PGBD2: variants seen among roughly 807,000 people sequenced by gnomAD.
The protein encoded by PGBD2 is piggyBac transposable element derived 2, also known as piggyBac transposable element-derived protein 2.
PGBD2 carries 6 observed loss-of-function variants against 8.1 expected under a neutral mutation model. The ratio of observed to expected loss-of-function variants is 0.74; its 90% CI spans 0.40 to 1.46. The LOEUF (loss-of-function observed/expected upper bound fraction) is 1.46. Among genes scored for constraint, PGBD2 ranks in the 40% most tolerant of loss-of-function variants. The pLI is 0.02. For synonymous variants in PGBD2, 318 were observed against 272.2 expected (o/e 1.17, Z -1.66); for missense variants, 802 against 739.0 (o/e 1.09, Z -0.99).
intron 1 of PGBD2, among the ~76,000 whole-genome samples, chr1:248,910,742 T>A (rs538928625): frequency 4.6e-4 from 70 of 152,162 alleles, no homozygotes; most frequent in Non-Finnish European, 8.7e-4. Flanking sequence ...TTGGATTTAC[T>A]GAAAGCCCAT....
At chr1:248,880,648 T>C in the PGBD2 span, among the ~76,000 whole-genome samples, 3 of 152,246 alleles carry the variant, frequency 2.0e-5, no homozygotes, top group Admixed American at 1.3e-4. Flanking sequence ...TTTCTAGATA[T>C]ATTGGTTCCA....
chr1:248,889,865 G>A, the PGBD2 span, among the ~76,000 whole-genome samples: 2 of 151,488 alleles, frequency 1.3e-5, no homozygotes, highest in Admixed American at 6.6e-5. Flanking sequence ...AAAACAAAGA[G>A]TCACAGAAGC....
At chr1:248,895,074 G>T in the PGBD2 span, among the ~76,000 whole-genome samples, 1 of 152,100 alleles carries the variant, frequency 6.6e-6, no homozygotes, top group African/African-American at 2.4e-5. Context: ...CAAAGTGTTG[G>T]AATTATAGGC....
chr1:248,911,791 G>A (rs558796529), intron 1 of PGBD2, among the ~76,000 whole-genome samples: 10 of 125,370 alleles, frequency 8.0e-5, no homozygotes, highest in East Asian at 7.3e-4. Flanking sequence ...CTGGCCGGGC[G>A]CTCCCCCAGC....
At chr1:248,899,146 A>G in the PGBD2 span, among the ~76,000 whole-genome samples, 19 of 152,200 alleles carry the variant, frequency 1.2e-4, no homozygotes, top group African/African-American at 4.6e-4. Context: ...CTCCCCTACA[A>G]TAACAGTGGG....
Position 248,917,256 on chromosome 1 carries a change from C to A in PGBD2, c.672C>A (p.Ile224=). The A allele has an allele frequency of 1.2e-6, 2 of 1,614,158 alleles. No homozygotes were observed. Among genetic ancestry groups the A allele is most frequent in the Non-Finnish European group, 1.7e-6 (2 of 1,180,026 alleles). The change falls in exon 3 of 3, where the codon ATC becomes ATA. Residue 224 remains isoleucine (I), a synonymous_variant. Coordinates refer to ENST00000329291, the MANE Select transcript of PGBD2 (RefSeq NM_170725.3). The stretch of plus-strand genomic sequence containing the variant: ...TTAGAAGGGACAGATTTGAACTAAT[C>A]TTCTCATACTTACATTTTGCAGATA... ...DAIRRDRFEL[I]FSYLHFADNN...
chr1:248,900,286 A>G, the PGBD2 span, among the ~76,000 whole-genome samples: 1 of 152,112 alleles, frequency 6.6e-6, no homozygotes, highest in African/African-American at 2.4e-5. Flanking sequence ...TACAACAACA[A>G]CAAAAAAACA....
In PGBD2 at chr1:248,917,769, G is replaced by A. The variant is rs1245327422; in HGVS notation, c.1185G>A (p.Arg395=). 1 of 1,614,028 alleles carries A rather than the reference G, an allele frequency of 6.2e-7. No individual in the cohort carries two copies. Reference sequence around the variant, plus strand: ...CCAAAGAACTGAAAAAAATGAAGAGGGGTTCATTTGATTACAAAGTCGATG... The same window carrying A: ...CCAAAGAACTGAAAAAAATGAAGAGAGGTTCATTTGATTACAAAGTCGATG... The part of the protein sequence containing the change: ...KDPKELKKMK[R]GSFDYKVDES... The change falls in exon 3 of 3, where the codon AGG becomes AGA. Residue 395 remains arginine (R), a synonymous_variant. Transcript: ENST00000329291.
chr1:248,918,307 G>A lies in PGBD2; in HGVS notation c.1723G>A (p.Glu575Lys), dbSNP rs748837890. 6.3e-7 allele frequency: 1 copy of A among 1,591,702 alleles called. No homozygotes were observed. The highest frequency in any genetic ancestry group is 8.6e-7 in the Non-Finnish European group (1 of 1,168,642). ...CCACTCACAGACCAACACCCGGTGT[G>A]AGAAGTGCCAGAAGGGTGTCCATGC... ...LCHSQTNTRC[E>K]KCQKGVHAKC... The change falls in exon 3 of 3, where the codon GAG becomes AAG. Residue 575 changes from glutamate (E) to lysine (K), a missense_variant. By Grantham distance (56) the Glu-to-Lys change is moderately conservative (BLOSUM62 1). Transcript: ENST00000329291.
chr1:248,897,948 C>T, the PGBD2 span, among the ~76,000 whole-genome samples: 1 of 152,194 alleles, frequency 6.6e-6, no homozygotes, highest in Non-Finnish European at 1.5e-5. Flanking sequence ...CACAGTGGAG[C>T]TCAGCAGCTA....
intron 1 of PGBD2, among the ~76,000 whole-genome samples, chr1:248,908,508 T>C (rs1661741569): frequency 1.3e-5 from 2 of 152,178 alleles, no homozygotes; most frequent in Admixed American, 1.3e-4. Flanking sequence ...TTGATGGTTT[T>C]ACATTTTAAG....
chr1:248,923,136 C>T (rs1399574183), downstream of PGBD2, among the ~76,000 whole-genome samples: 1 of 152,136 alleles, frequency 6.6e-6, no homozygotes, highest in African/African-American at 2.4e-5. Context: ...AATTTCAGAA[C>T]TTGATATTGG....
intron 1 of PGBD2, among the ~76,000 whole-genome samples, chr1:248,910,459 G>A (rs1403968094): frequency 6.6e-6 from 1 of 152,200 alleles, no homozygotes; most frequent in African/African-American, 2.4e-5. Context: ...TAGGTACCAT[G>A]ATGATCCCAT....
At chr1:248,886,645 G>A in the PGBD2 span, among the ~76,000 whole-genome samples, 1 of 152,172 alleles carries the variant, frequency 6.6e-6, no homozygotes, top group African/African-American at 2.4e-5. Flanking sequence ...ACTCATCCTG[G>A]ACTCTTGCCA....
At chr1:248,907,150 AAGG>A (rs1661676568) in intron 1 of PGBD2, among the ~76,000 whole-genome samples, 1 of 152,176 alleles carries the variant, frequency 6.6e-6, no homozygotes, top group Non-Finnish European at 1.5e-5. Context: ...GCAGGGTGAT[AAGG>A]AGGTCAGCAA....
chr1:248,922,782 C>T (rs1317704647), downstream of PGBD2, among the ~76,000 whole-genome samples: 2 of 152,168 alleles, frequency 1.3e-5, no homozygotes, highest in African/African-American at 2.4e-5. Flanking sequence ...TGTGTTGAAC[C>T]AGTCTTGCAT....
chr1:248,903,865 T>A (rs1417974839), upstream of PGBD2, among the ~76,000 whole-genome samples: 1 of 152,202 alleles, frequency 6.6e-6, no homozygotes, highest in East Asian at 1.9e-4. Context: ...TTTAATGTAG[T>A]CAGCAACTTG....
At chr1:248,907,629 A>C (rs1322354158) in intron 1 of PGBD2, among the ~76,000 whole-genome samples, 1 of 152,090 alleles carries the variant, frequency 6.6e-6, no homozygotes, top group Non-Finnish European at 1.5e-5. Flanking sequence ...TTGTTTATTG[A>C]GACTAGAGAA....
At chr1:248,895,066 A>G in the PGBD2 span, among the ~76,000 whole-genome samples, 1 of 152,104 alleles carries the variant, frequency 6.6e-6, no homozygotes, top group Non-Finnish European at 1.5e-5. Context: ...CAGCCTCCCA[A>G]AGTGTTGGAA....
Sources: allele counts gnomAD v4.1 joint callset (sites outside exome capture counted in the v4.1 genomes callset), GRCh38; gene constraint gnomAD v4.1.1; transcripts MANE v1.5; gene names NCBI Gene and HGNC (gene_info 2026-07-23, HGNC 2026-07-21).